The following ASCC3 variants were observed in gnomAD, a reference collection of about 807,000 sequenced individuals.
The protein encoded by ASCC3 is activating signal cointegrator 1 complex subunit 3, also known as ASC-1 complex subunit P200.
ASCC3 carries 158 observed loss-of-function variants against 256.3 expected under a neutral mutation model. That is an observed-to-expected ratio of 0.62 (90% CI 0.54 to 0.70). ASCC3 has a LOEUF of 0.70. Ranked by LOEUF, ASCC3 falls within the 30% of genes least tolerant of loss-of-function variation. The probability of loss-of-function intolerance (pLI) is 0.00; values close to 1 mark genes in which losing one functional copy is unlikely to be tolerated. For synonymous variants in ASCC3, 948 were observed against 883.4 expected, an observed-to-expected ratio of 1.07 and a Z score of -1.30; for missense variants, 2,259 against 2,626.0, an observed-to-expected ratio of 0.86 and a Z score of 3.05.
intron 36 of ASCC3, among the ~76,000 whole-genome samples, chr6:100,562,819 G>A (rs1257029084): frequency 6.6e-6 from 1 of 152,046 alleles, no homozygotes; most frequent in African/African-American, 2.4e-5. Flanking sequence ...AAATAAACAT[G>A]TTGATAGATA....
At chr6:100,813,866 G>T (rs1424433141) in intron 4 of ASCC3, among the ~76,000 whole-genome samples, 1 of 151,932 alleles carries the variant, frequency 6.6e-6, no homozygotes, top group Non-Finnish European at 1.5e-5. Flanking sequence ...GGGTTTTCTG[G>T]ATATAAAATC....
At chr6:100,548,066 A>T (rs1769082284) in intron 36 of ASCC3, among the ~76,000 whole-genome samples, 1 of 151,826 alleles carries the variant, frequency 6.6e-6, no homozygotes, top group Admixed American at 6.6e-5. Context: ...GAATACATAC[A>T]CTAGGATTTC....
intron 36 of ASCC3, among the ~76,000 whole-genome samples, chr6:100,589,177 G>C (rs1031506175): frequency 6.6e-6 from 1 of 152,060 alleles, no homozygotes; most frequent in Non-Finnish European, 1.5e-5. Context: ...GTGTTTGTGG[G>C]GATGGGGGAT....
intron 23 of ASCC3, 136 bp from the exon 24 acceptor site, chr6:100,642,885 T>C (rs1562192520): frequency 2.2e-6 from 2 of 909,838 alleles, no homozygotes; most frequent in South Asian, 1.7e-5. Flanking sequence ...ATAGCTGAGA[T>C]ATTCGGAAAC....
chr6:100,751,336 C>G (rs1262997065), intron 10 of ASCC3, among the ~76,000 whole-genome samples: 1 of 151,972 alleles, frequency 6.6e-6, no homozygotes. Context: ...CACAGTCATA[C>G]TACTTCCTAC....
intron 16 of ASCC3, among the ~76,000 whole-genome samples, chr6:100,656,540 C>T (rs1368011528): frequency 6.6e-6 from 1 of 151,170 alleles, no homozygotes; most frequent in African/African-American, 2.4e-5. Flanking sequence ...GTGGATAATT[C>T]TTCAGATTGT....
intron 5 of ASCC3, among the ~76,000 whole-genome samples, chr6:100,802,301 T>C (rs1051596259): frequency 6.6e-6 from 1 of 152,122 alleles, no homozygotes; most frequent in Non-Finnish European, 1.5e-5. Flanking sequence ...TAGAGGCTTG[T>C]ATCCTTTTAG....
At chr6:100,585,469 T>C (rs1013533942) in intron 36 of ASCC3, among the ~76,000 whole-genome samples, 2 of 152,328 alleles carry the variant, frequency 1.3e-5, no homozygotes, top group African/African-American at 4.8e-5. Flanking sequence ...GTTATTCTAG[T>C]TATACATTCG....
intron 1 of ASCC3, among the ~76,000 whole-genome samples, chr6:100,875,876 C>CA (rs950564908): frequency 5.9e-5 from 9 of 151,676 alleles, no homozygotes; most frequent in African/African-American, 1.9e-4. Context: ...AACAAACAAA[C>CA]AAAAAACCCT....
chr6:100,681,195 T>C (rs1172111414), intron 13 of ASCC3, among the ~76,000 whole-genome samples: 2 of 152,078 alleles, frequency 1.3e-5, no homozygotes, highest in Non-Finnish European at 2.9e-5. Context: ...CTAATACTAT[T>C]TTAGGTACAT....
intron 39 of ASCC3, among the ~76,000 whole-genome samples, chr6:100,515,088 G>T (rs979972130): frequency 1.3e-5 from 2 of 152,128 alleles, no homozygotes; most frequent in Non-Finnish European, 2.9e-5. Flanking sequence ...GTTTACTTCT[G>T]AGTTCTCCCT....
chr6:100,821,270 C>T (rs1454376774), intron 4 of ASCC3, among the ~76,000 whole-genome samples: 6 of 152,140 alleles, frequency 3.9e-5, no homozygotes, highest in African/African-American at 1.2e-4. Context: ...CCTGTCTCAG[C>T]CTCGCAAAGC....
intron 8 of ASCC3, among the ~76,000 whole-genome samples, chr6:100,790,737 T>A (rs1198717087): frequency 6.6e-6 from 1 of 151,990 alleles, no homozygotes; most frequent in African/African-American, 2.4e-5. Context: ...TTTCCTGCTA[T>A]AAAATCAATA....
At chr6:100,767,420 T>C in intron 8 of ASCC3, 75 bp from the exon 9 acceptor site, 2 of 1,416,606 alleles carry the variant, frequency 1.4e-6, no homozygotes, top group African/African-American at 1.4e-5. Flanking sequence ...TGTGTTAACA[T>C]TTATTTCCTT....
chr6:100,847,463 T>C (rs1036346894), intron 4 of ASCC3, among the ~76,000 whole-genome samples: 1 of 152,164 alleles, frequency 6.6e-6, no homozygotes, highest in Non-Finnish European at 1.5e-5. Context: ...AGTCCTCCAA[T>C]ACCTACTTAG....
intron 10 of ASCC3, among the ~76,000 whole-genome samples, chr6:100,745,972 G>A (rs1375031611): frequency 6.6e-6 from 1 of 151,542 alleles, no homozygotes; most frequent in Non-Finnish European, 1.5e-5. Flanking sequence ...GGCGTTCATG[G>A]TATATTTTAA....
chr6:100,543,228 TA>T (rs35741413), intron 36 of ASCC3, among the ~76,000 whole-genome samples: 62,347 of 151,914 alleles, frequency 0.41, 13,390 homozygotes, highest in South Asian at 0.62. Context: ...TAATACAACG[TA>T]AATGCTATGT....
intron 14 of ASCC3, among the ~76,000 whole-genome samples, chr6:100,671,275 T>G (rs1776730592): frequency 6.6e-6 from 1 of 152,036 alleles, no homozygotes; most frequent in Non-Finnish European, 1.5e-5. Context: ...GCCTGCTGCT[T>G]TCTAAAGCAT....
chr6:100,759,388 T>A (rs1781329623), intron 10 of ASCC3, among the ~76,000 whole-genome samples: 1 of 152,198 alleles, frequency 6.6e-6, no homozygotes, highest in Non-Finnish European at 1.5e-5. Context: ...AATTCAAATA[T>A]TTAATTCATC....
Sources: gnomAD v4.1 joint callset for allele counts (sites outside exome capture counted in the v4.1 genomes callset) on GRCh38, gnomAD v4.1.1 for gene constraint, MANE v1.5 for transcripts, NCBI Gene and HGNC (gene_info 2026-07-23, HGNC 2026-07-21) for gene names.